UBE2W: variants seen among roughly 807,000 people sequenced by gnomAD.
The protein encoded by UBE2W is ubiquitin conjugating enzyme E2 W.
A neutral mutation model predicts 27.2 loss-of-function variants in UBE2W; 18 were observed. That is an observed-to-expected ratio of 0.66 (90% CI 0.46 to 0.98). The LOEUF (loss-of-function observed/expected upper bound fraction) is 0.98, where lower values mean the gene tolerates loss of function less well. Among genes scored for constraint, UBE2W ranks in the 50% least tolerant of loss-of-function variants. UBE2W has a pLI of 0.00. For synonymous variants in UBE2W, 53 were observed against 57.2 expected (o/e 0.93, Z 0.33); for missense variants, 90 against 180.2 (o/e 0.50, Z 2.87).
intron 1 of UBE2W, chr8:73,870,341 T>G (rs769633350): frequency 3.9e-5 from 60 of 1,547,888 alleles, no homozygotes; most frequent in Non-Finnish European, 2.6e-5. Flanking sequence ...CACATGGTCA[T>G]AAAGGAAATC....
chr8:73,851,943 GTCTC>G (rs201545050), intron 1 of UBE2W, among the ~76,000 whole-genome samples: 26 of 131,336 alleles, frequency 2.0e-4, no homozygotes, highest in Admixed American at 1.6e-3. Context: ...GTAAGACCCA[GTCTC>G]TCTTTTTTTT....
chr8:73,860,681 A>G (rs543900261), intron 1 of UBE2W, among the ~76,000 whole-genome samples: 1 of 152,338 alleles, frequency 6.6e-6, no homozygotes, highest in African/African-American at 2.4e-5. Context: ...ACAAAGAACT[A>G]AAGTGGATTT....
Position 73,828,913 on chromosome 8 carries a change from T to C in UBE2W, c.107+1468A>G, listed in dbSNP as rs187391338. 3.3e-5 allele frequency among the ~76,000 whole-genome samples: 5 copies of C among 152,298 alleles called. No homozygotes were observed. The East Asian group carries it at 5.8e-4, about 18-fold the overall frequency. On this transcript the variant is annotated intron_variant, in intron 2 of 5. Coordinates refer to ENST00000602593, the MANE Select transcript of UBE2W (RefSeq NM_018299.6). ...AAAGCTTCTTAATGTGCTTTCATCA[T>C]CCTCGTTATGGATCTTCCACATCCA... is the stretch of plus-strand genomic sequence containing the variant.
chr8:73,791,676 G>T lies in UBE2W; in HGVS notation c.*2426C>A, dbSNP rs1808207900. 3.0e-6 allele frequency: 3 copies of T among 985,058 alleles called. No individual in the cohort carries two copies. The highest frequency in any genetic ancestry group is 9.4e-5 in the South Asian group (2 of 21,276). 61.0% of individuals were successfully genotyped at this position (985,058 alleles called of 1,614,324 possible). On this transcript the variant is annotated 3_prime_UTR_variant, in exon 6 of 6. Coordinates refer to ENST00000602593, the MANE Select transcript of UBE2W (RefSeq NM_018299.6). ...CATATAAATTAAATCTAAGTGCAAGGAGTTTTCAATGATTCCTAAATTCAA... is the reference window on the plus strand; with the variant it reads ...CATATAAATTAAATCTAAGTGCAAGTAGTTTTCAATGATTCCTAAATTCAA...
chr8:73,805,472 C>CAAACAAACAAAAAAAAACAAAACAAA (rs1254739442), intron 5 of UBE2W, among the ~76,000 whole-genome samples, 179 bp downstream of exon 5: 1 of 43,676 alleles, frequency 2.3e-5, no homozygotes, highest in Non-Finnish European at 5.0e-5. Context: ...AAAAAAAAAA[C>CAAACAAACAAAAAAAAACAAAACAAA]AAAAAAAACT....
intron 1 of UBE2W, 83 bp from the exon 2 acceptor site, chr8:73,830,555 A>ACCACT: frequency 9.9e-7 from 1 of 1,005,400 alleles, no homozygotes; most frequent in Non-Finnish European, 1.5e-6. Flanking sequence ...GTGTGATCAC[A>ACCACT]GCTCACCACA....
rs1808526246 is a variant in UBE2W, at chr8:73,798,883, T to C, written c.443-4768A>G. 3.9e-5 allele frequency among the ~76,000 whole-genome samples: 6 copies of C among 152,278 alleles called. No homozygotes were observed. The South Asian group carries it at 1.2e-3, about 32-fold the overall frequency. ...AAGAAAATTCCTTAGCCCATCTATA[T>C]GCTGAGGTGAGTTGTCTATTTTGCA... On this transcript the variant is annotated intron_variant, in intron 5 of 5. Coordinates refer to ENST00000602593, the MANE Select transcript of UBE2W (RefSeq NM_018299.6).
At chr8:73,816,364 G>A (rs1239733388) in intron 3 of UBE2W, among the ~76,000 whole-genome samples, 4 of 152,298 alleles carry the variant, frequency 2.6e-5, no homozygotes, top group African/African-American at 7.2e-5. Flanking sequence ...AATAAAAACT[G>A]TTATTCAAAG....
chr8:73,787,303 T>C lies in UBE2W; in HGVS notation c.*6799A>G, dbSNP rs1807996194. 5 of 985,328 alleles carry C rather than the reference T, an allele frequency of 5.1e-6. No homozygotes were observed. Among genetic ancestry groups the C allele is most frequent in the East Asian group, 1.1e-4 (1 of 8,832 alleles). The allele number at this position is 985,328 out of a possible 1,614,324, so 61.0% of individuals were successfully genotyped here. A position where few individuals can be genotyped will look rare whatever the true frequency, so the allele number is the denominator to read the frequency against. Reference sequence around the variant, plus strand: ...TTATGTTTAATTTTGTTACGTGTTATGTTAGTGTGAAAATGAGTAAGAAAT... The same window carrying C: ...TTATGTTTAATTTTGTTACGTGTTACGTTAGTGTGAAAATGAGTAAGAAAT... On this transcript the variant is annotated 3_prime_UTR_variant, in exon 6 of 6. Coordinates refer to ENST00000602593, the MANE Select transcript of UBE2W (RefSeq NM_018299.6).
At chr8:73,813,730 A>G (rs919725443) in intron 3 of UBE2W, among the ~76,000 whole-genome samples, 2 of 150,792 alleles carry the variant, frequency 1.3e-5, no homozygotes, top group Admixed American at 6.6e-5. Context: ...AGGGGCAAAT[A>G]AGCATAGTTT....
chr8:73,867,875 C>CA (rs1435675908), intron 1 of UBE2W, among the ~76,000 whole-genome samples: 2 of 152,136 alleles, frequency 1.3e-5, no homozygotes, highest in African/African-American at 2.4e-5. Context: ...ATGCTATCAT[C>CA]AAAAAACCAC....
At chr8:73,856,630 C>G (rs935696977) in intron 1 of UBE2W, among the ~76,000 whole-genome samples, 7 of 151,372 alleles carry the variant, frequency 4.6e-5, no homozygotes, top group Admixed American at 6.6e-5. Flanking sequence ...GCTGAGATTA[C>G]AGGCATGAGC....
At chr8:73,842,525 T>C in intron 1 of UBE2W, among the ~76,000 whole-genome samples, 1 of 53,096 alleles carries the variant, frequency 1.9e-5, no homozygotes, top group African/African-American at 1.3e-4. Context: ...GGAGACTCCG[T>C]CTCAAAAAAA....
In UBE2W at chr8:73,789,483, TCAAAAAA is replaced by T. The variant is rs1488061916; in HGVS notation, c.*4612_*4618del. On this transcript the variant is annotated 3_prime_UTR_variant, in exon 6 of 6. Transcript: ENST00000602593. The stretch of plus-strand genomic sequence containing the variant: ...GCCTGGGCAACAGAGGAAGACCGTC[TCAAAAAA>T]CAAAAAACAACCCACACACAATTTA... 1 of 152,124 alleles carries T rather than the reference TCAAAAAA, an allele frequency of 6.6e-6. No individual in the cohort carries two copies. The highest frequency in any genetic ancestry group is 1.5e-5 in the Non-Finnish European group (1 of 68,292). 9.4% of individuals were successfully genotyped at this position (152,124 alleles called of 1,614,324 possible).
In UBE2W at chr8:73,798,248, G is replaced by A. The variant is rs182155064; in HGVS notation, c.443-4133C>T. ...GGAAGTTGAGGCTGCAATGAGCCAT[G>A]ATCATACCACTGCACTCCAGCCTAA... On this transcript the variant is annotated intron_variant, in intron 5 of 5. Coordinates refer to ENST00000602593, the MANE Select transcript of UBE2W (RefSeq NM_018299.6). Among the ~76,000 whole-genome samples, 517 of 152,288 alleles carry A rather than the reference G, an allele frequency of 3.4e-3. 5 individuals are homozygous for A. In the South Asian group the frequency reaches 0.054, roughly 16 times the overall value.
rs1808301546 is a variant in UBE2W, at chr8:73,793,844, A to T, written c.*258T>A. 44 of 1,205,398 alleles carry T rather than the reference A, an allele frequency of 3.7e-5. No individual in the cohort carries two copies. The highest frequency in any genetic ancestry group is 3.3e-4 in the Middle Eastern group (1 of 3,022). 74.7% of individuals were successfully genotyped at this position (1,205,398 alleles called of 1,614,324 possible). ...TCCAAAAGCTTAAAAAAATAAAAAT[A>T]AAAAATGGAATTATATTTGACATTT... On this transcript the variant is annotated 3_prime_UTR_variant, in exon 6 of 6. Transcript: ENST00000602593.
At chr8:73,832,136 A>AATATATATACATATAT (rs1810093201) in intron 1 of UBE2W, among the ~76,000 whole-genome samples, 1 of 145,348 alleles carries the variant, frequency 6.9e-6, no homozygotes, top group Admixed American at 6.8e-5. Context: ...AAAATAAATA[A>AATATATATACATATAT]ATATATATAT....
chr8:73,861,018 T>A (rs1811514083), intron 1 of UBE2W, among the ~76,000 whole-genome samples: 1 of 152,118 alleles, frequency 6.6e-6, no homozygotes, highest in African/African-American at 2.4e-5. Context: ...CTTGGAAGAC[T>A]GAGGCAGAAG....
chr8:73,859,095 C>A (rs756518778), intron 1 of UBE2W, among the ~76,000 whole-genome samples: 11 of 152,006 alleles, frequency 7.2e-5, no homozygotes, highest in Non-Finnish European at 1.5e-4. Context: ...CCCTCAACAA[C>A]ACAGGTTTGA....
Sources: gnomAD v4.1 joint callset for allele counts (sites outside exome capture counted in the v4.1 genomes callset) on GRCh38, gnomAD v4.1.1 for gene constraint, MANE v1.5 for transcripts, NCBI Gene and HGNC (gene_info 2026-07-23, HGNC 2026-07-21) for gene names.